The following DGKG variants were observed in gnomAD, a reference collection of about 807,000 sequenced individuals.
DGKG encodes the protein diacylglycerol kinase gamma, also known as DAG kinase gamma.
Under a neutral mutation model 105.3 loss-of-function variants are expected in DGKG, and 78 were observed. The observed-to-expected ratio is 0.74, with a 90% confidence interval of 0.62 to 0.89. The LOEUF is 0.89. Ranked by LOEUF, DGKG falls within the 40% of genes least tolerant of loss-of-function variation. DGKG has a pLI of 0.00. For missense variants in DGKG, 958 were observed against 1,020.1 expected, an observed-to-expected ratio of 0.94 and a Z score of 0.83; for synonymous variants, 346 against 367.1, an observed-to-expected ratio of 0.94 and a Z score of 0.66.
chr3:186,275,240 A>G (rs1259007367), intron 10 of DGKG, among the ~76,000 whole-genome samples: 2 of 152,194 alleles, frequency 1.3e-5, no homozygotes, highest in African/African-American at 4.8e-5. Context: ...ATAAATATTG[A>G]CTAGAAAACC....
At position 186,345,004 on chromosome 3, in the gene DGKG, G is replaced by A. The variant is rs564982171; in HGVS notation, c.-249+16942C>T. On this transcript the variant is annotated intron_variant, in intron 1 of 24. Coordinates refer to ENST00000265022, the MANE Select transcript of DGKG (RefSeq NM_001346.3). ...TGTTTTGTTTGTTTACTTGATATGT[G>A]AAAGCCTGAGAGTGGTGTTTTGATA... Among the ~76,000 whole-genome samples the A allele has an allele frequency of 3.3e-5, 5 of 152,198 alleles. No individual in the cohort carries two copies. The South Asian group carries it at 1.0e-3, about 32-fold the overall frequency.
chr3:186,322,488 C>A (rs1234640601), intron 1 of DGKG, among the ~76,000 whole-genome samples: 1 of 152,096 alleles, frequency 6.6e-6, no homozygotes, highest in African/African-American at 2.4e-5. Flanking sequence ...ATGCTTATTA[C>A]CTGAGTGACA....
chr3:186,259,483 C>T (rs1721649216), intron 16 of DGKG, among the ~76,000 whole-genome samples: 1 of 152,194 alleles, frequency 6.6e-6, no homozygotes, highest in South Asian at 2.1e-4. Flanking sequence ...ATGTTTCTTT[C>T]TCTTTTTAAC....
rs186235121 is a variant in DGKG at position 186,297,381 on chromosome 3, T to A, written c.373+40A>T. The A allele has an allele frequency of 7.7e-4, 1,132 of 1,477,648 alleles. 1 individual carries two copies. Among genetic ancestry groups the A allele is most frequent in the Non-Finnish European group, 9.1e-4 (964 of 1,055,304 alleles). The allele number at this position is 1,477,648 out of a possible 1,614,324, so 91.5% of individuals were successfully genotyped here. The stretch of plus-strand genomic sequence containing the variant: ...CCACTTCTCCCCAAGGATGAGGTAT[T>A]CCCTACTTTTCCCACAAGTCTTATA... On this transcript the variant is annotated intron_variant, in intron 5 of 24. Transcript: ENST00000265022.
intron 17 of DGKG, among the ~76,000 whole-genome samples, chr3:186,256,004 C>A (rs150239272): frequency 1.2e-4 from 18 of 152,306 alleles, no homozygotes; most frequent in African/African-American, 4.1e-4. Context: ...GTGTCCTCTG[C>A]GGATGAACTG....
intron 3 of DGKG, among the ~76,000 whole-genome samples, chr3:186,299,887 T>C (rs1723839120): frequency 6.7e-6 from 1 of 148,350 alleles, no homozygotes; most frequent in South Asian, 2.2e-4. Flanking sequence ...CAGGCTGGAG[T>C]GTAGTGGCAC....
At chr3:186,155,181 T>G (rs1224296057) in intron 24 of DGKG, among the ~76,000 whole-genome samples, 1 of 152,024 alleles carries the variant, frequency 6.6e-6, no homozygotes, top group East Asian at 1.9e-4. Context: ...TTATTTTGGT[T>G]TTGTTTTGTT....
At chr3:186,242,751 G>A in intron 19 of DGKG, 183 bp from the exon 20 acceptor site, 1 of 521,948 alleles carries the variant, frequency 1.9e-6, no homozygotes. Flanking sequence ...CCAGGGGGAT[G>A]AGCTAGCACC....
chr3:186,303,090 T>C (rs1299459352), intron 3 of DGKG, among the ~76,000 whole-genome samples: 1 of 152,162 alleles, frequency 6.6e-6, no homozygotes, highest in Non-Finnish European at 1.5e-5. Flanking sequence ...GGTCCAGAGC[T>C]GGCATAGTGC....
chr3:186,285,810 G>A (rs1012101605), intron 6 of DGKG, among the ~76,000 whole-genome samples: 1 of 151,738 alleles, frequency 6.6e-6, no homozygotes, highest in Non-Finnish European at 1.5e-5. Flanking sequence ...CTCCTGAGTC[G>A]CTGGGATTAC....
intron 1 of DGKG, among the ~76,000 whole-genome samples, chr3:186,335,453 A>G (rs1316306239): frequency 6.6e-6 from 1 of 152,188 alleles, no homozygotes; most frequent in African/African-American, 2.4e-5. Flanking sequence ...AATGTTAGAC[A>G]TAAACCCTTT....
intron 19 of DGKG, among the ~76,000 whole-genome samples, chr3:186,246,117 A>G (rs60404784): frequency 0.047 from 7,140 of 152,084 alleles, 562 homozygotes; most frequent in African/African-American, 0.16. Flanking sequence ...GATTACTGGC[A>G]CCTGCCACCA....
In DGKG at chr3:186,342,389, A is replaced by C. The variant is rs528240653; in HGVS notation, c.-249+19557T>G. 9.2e-4 allele frequency among the ~76,000 whole-genome samples: 140 copies of C among 152,324 alleles called. 1 individual carries two copies. The highest frequency in any genetic ancestry group is 3.2e-3 in the African/African-American group (135 of 41,580). ...GATTCTTAGCCACTGTTATTCTGTC[A>C]TAAGGGAAGTTACAGCAGTGAAAGT... is the stretch of plus-strand genomic sequence containing the variant. On this transcript the variant is annotated intron_variant, in intron 1 of 24. Transcript: ENST00000265022.
At chr3:186,232,846 C>A (rs1388549587) in intron 20 of DGKG, among the ~76,000 whole-genome samples, 1 of 152,134 alleles carries the variant, frequency 6.6e-6, no homozygotes, top group Non-Finnish European at 1.5e-5. Flanking sequence ...TAGAGAATCA[C>A]CAAAATTCAG....
In DGKG at chr3:186,209,088, C is replaced by CTTTTTTTTTTTTTTTTT. The variant is rs1560096022; in HGVS notation, c.1917+2706_1917+2707insAAAAAAAAAAAAAAAAA. On this transcript the variant is annotated intron_variant, in intron 21 of 24. Transcript: ENST00000265022. ...TGGACTTTTCTCTCCCTTCAGTTTACTCTTCTTTTTTTTTTTTTTTTTTTT... is the reference window on the plus strand; with the variant it reads ...TGGACTTTTCTCTCCCTTCAGTTTACTTTTTTTTTTTTTTTTTTCTTCTTTTTTTTTTTTTTTTTTTT... Among the ~76,000 whole-genome samples, 7 of 124,886 alleles carry CTTTTTTTTTTTTTTTTT rather than the reference C, an allele frequency of 5.6e-5. 1 individual carries two copies. Among genetic ancestry groups the CTTTTTTTTTTTTTTTTT allele is most frequent in the African/African-American group, 2.3e-4 (7 of 29,892 alleles). 81.9% of individuals were successfully genotyped at this position (124,886 alleles called of 152,430 possible). A position where few individuals can be genotyped will look rare whatever the true frequency, so the allele number is the denominator to read the frequency against.
At chr3:186,297,086 A>ACG in intron 5 of DGKG, among the ~76,000 whole-genome samples, 1 of 141,726 alleles carries the variant, frequency 7.1e-6, no homozygotes, top group Non-Finnish European at 1.5e-5. Context: ...ACACACACAC[A>ACG]CACACACACA....
intron 1 of DGKG, among the ~76,000 whole-genome samples, chr3:186,329,622 T>A (rs1725505712): frequency 6.6e-6 from 1 of 152,216 alleles, no homozygotes; most frequent in African/African-American, 2.4e-5. Flanking sequence ...GAAGAAAGAC[T>A]AAAAGCTACA....
chr3:186,240,891 A>G (rs1720653428), intron 20 of DGKG, among the ~76,000 whole-genome samples: 1 of 151,924 alleles, frequency 6.6e-6, no homozygotes, highest in Non-Finnish European at 1.5e-5. Flanking sequence ...TTTTTAAAAA[A>G]GTGGTTTGTG....
At chr3:186,185,153 G>A (rs1168640635) in intron 22 of DGKG, among the ~76,000 whole-genome samples, 1 of 152,180 alleles carries the variant, frequency 6.6e-6, no homozygotes. Context: ...CCAGGCGAAT[G>A]CTTTTTCACT....
Sources: allele counts gnomAD v4.1 joint callset (sites outside exome capture counted in the v4.1 genomes callset), GRCh38; gene constraint gnomAD v4.1.1; transcripts MANE v1.5; gene names NCBI Gene and HGNC (gene_info 2026-07-23, HGNC 2026-07-21).